CTNNA2: variants seen among roughly 807,000 people sequenced by gnomAD.
CTNNA2 encodes catenin alpha-2.
A neutral mutation model predicts 101.0 loss-of-function variants in CTNNA2; 42 were observed. The ratio of observed to expected loss-of-function variants is 0.42; its 90% CI spans 0.32 to 0.54. The LOEUF (loss-of-function observed/expected upper bound fraction) is 0.54. CTNNA2 is among the 20% of genes least tolerant of loss of function. The probability of loss-of-function intolerance (pLI) is 0.14; values close to 1 mark genes in which losing one functional copy is unlikely to be tolerated. For missense variants in CTNNA2, 871 were observed against 1,223.1 expected (o/e 0.71, Z 4.29); for synonymous variants, 450 against 456.4 (o/e 0.99, Z 0.18).
intron 2 of CTNNA2, among the ~76,000 whole-genome samples, chr2:79,269,128 G>C (rs1675028201): frequency 6.6e-6 from 1 of 152,062 alleles, no homozygotes. Flanking sequence ...GAGGTGTACT[G>C]AGCTCTTATA....
chr2:80,139,530 A>T (rs1054058849), intron 7 of CTNNA2, among the ~76,000 whole-genome samples: 6 of 151,852 alleles, frequency 4.0e-5, no homozygotes. Flanking sequence ...TACAGTTTTC[A>T]CCCCCTCTTA....
intron 2 of CTNNA2, among the ~76,000 whole-genome samples, chr2:79,688,967 A>G (rs1398536962): frequency 1.3e-5 from 2 of 151,900 alleles, no homozygotes; most frequent in African/African-American, 4.8e-5. Flanking sequence ...AGAAAGATTC[A>G]ATGGCTGGGG....
At chr2:79,710,689 T>G (rs1364972080) in intron 2 of CTNNA2, among the ~76,000 whole-genome samples, 1 of 152,062 alleles carries the variant, frequency 6.6e-6, no homozygotes, top group Non-Finnish European at 1.5e-5. Flanking sequence ...TCAAACCTGG[T>G]GTAAGAGGAG....
intron 9 of CTNNA2, among the ~76,000 whole-genome samples, chr2:80,544,119 G>A (rs1012109642): frequency 6.6e-6 from 1 of 152,040 alleles, no homozygotes; most frequent in Non-Finnish European, 1.5e-5. Flanking sequence ...CTTGAATTCA[G>A]TCCAGCTGTT....
Position 80,051,001 on chromosome 2 carries a change from C to T in CTNNA2, c.1056+141204C>T, listed in dbSNP as rs1238265336. 2.6e-5 allele frequency among the ~76,000 whole-genome samples: 4 copies of T among 152,184 alleles called. No individual in the cohort carries two copies. In the South Asian group the frequency reaches 6.2e-4, roughly 24 times the overall value. ...TCAGCTTCCCCAAGTGCTAAGATTA[C>T]AGGCGTGAGCCATGACACCTAGCCG... On this transcript the variant is annotated intron_variant, in intron 7 of 18. Transcript: ENST00000402739.
chr2:80,548,608 A>G (rs1472035336), intron 11 of CTNNA2, among the ~76,000 whole-genome samples: 1 of 152,208 alleles, frequency 6.6e-6, no homozygotes, highest in Non-Finnish European at 1.5e-5. Flanking sequence ...GTGCCACGGC[A>G]TGCCATGGCA....
chr2:79,884,657 T>A (rs1415176075), intron 6 of CTNNA2, among the ~76,000 whole-genome samples: 1 of 152,164 alleles, frequency 6.6e-6, no homozygotes, highest in Non-Finnish European at 1.5e-5. Context: ...ATAGCAACTC[T>A]ACATAAGTTC....
At chr2:80,080,670 CT>C (rs1413671505) in intron 7 of CTNNA2, among the ~76,000 whole-genome samples, 1 of 152,074 alleles carries the variant, frequency 6.6e-6, no homozygotes, top group Non-Finnish European at 1.5e-5. Flanking sequence ...ATTTGGAGAC[CT>C]GATTCATTGA....
intron 7 of CTNNA2, among the ~76,000 whole-genome samples, chr2:80,129,685 C>A (rs1702311718): frequency 6.6e-6 from 1 of 152,186 alleles, no homozygotes; most frequent in Non-Finnish European, 1.5e-5. Flanking sequence ...TCCTTAACTA[C>A]AACTCTATAA....
chr2:79,909,949 C>T lies in CTNNA2; in HGVS notation c.1056+152C>T, dbSNP rs1685672877. 3 of 717,298 alleles carry T rather than the reference C, an allele frequency of 4.2e-6. No individual in the cohort carries two copies. The South Asian group carries it at 7.6e-5, about 18-fold the overall frequency. The allele number at this position is 717,298 out of a possible 1,614,324, so 44.4% of individuals were successfully genotyped here. On this transcript the variant is annotated intron_variant, in intron 7 of 18. Coordinates refer to ENST00000402739, the MANE Select transcript of CTNNA2 (RefSeq NM_001282597.3). ...ACCAAAGAACTGCTTTGGGAGAGCGCGTGTCGTGTGTGTTGTTTCTGAATC... is the reference window on the plus strand; with the variant it reads ...ACCAAAGAACTGCTTTGGGAGAGCGTGTGTCGTGTGTGTTGTTTCTGAATC...
chr2:79,765,523 T>C (rs1673091572), intron 3 of CTNNA2, among the ~76,000 whole-genome samples: 1 of 152,188 alleles, frequency 6.6e-6, no homozygotes, highest in South Asian at 2.1e-4. Flanking sequence ...GATGCTTGTG[T>C]TTAATGGGAG....
In CTNNA2 at chr2:79,929,084, G is replaced by T. The variant is rs932001924; in HGVS notation, c.1056+19287G>T. Reference sequence around the variant, plus strand: ...GATAACCTTCCTTTGACAGGGAGATGTGACAGGGACTGGGGCTCCAGCAAA... The same window carrying T: ...GATAACCTTCCTTTGACAGGGAGATTTGACAGGGACTGGGGCTCCAGCAAA... On this transcript the variant is annotated intron_variant, in intron 7 of 18. Coordinates refer to ENST00000402739, the MANE Select transcript of CTNNA2 (RefSeq NM_001282597.3). 3.9e-5 allele frequency among the ~76,000 whole-genome samples: 6 copies of T among 152,314 alleles called. No individual in the cohort carries two copies. The East Asian group carries it at 9.7e-4, about 25-fold the overall frequency.
At chr2:79,715,022 C>T (rs1179479711) in intron 2 of CTNNA2, among the ~76,000 whole-genome samples, 1 of 141,032 alleles carries the variant, frequency 7.1e-6, no homozygotes, top group African/African-American at 2.7e-5. Flanking sequence ...GAAACCCCGT[C>T]TCTACTAAAA....
At chr2:80,631,450 T>G (rs1388564729) in intron 18 of CTNNA2, among the ~76,000 whole-genome samples, 2 of 152,078 alleles carry the variant, frequency 1.3e-5, no homozygotes, top group African/African-American at 2.4e-5. Flanking sequence ...TGAAAGTTTC[T>G]TGTATAACTC....
At chr2:79,398,236 G>A (rs906559879) in intron 4 of CTNNA2, among the ~76,000 whole-genome samples, 7 of 152,048 alleles carry the variant, frequency 4.6e-5, no homozygotes, top group African/African-American at 1.4e-4. Flanking sequence ...AGTCACAATG[G>A]GATACGGACG....
chr2:79,280,879 C>A (rs1675359502), intron 2 of CTNNA2, among the ~76,000 whole-genome samples: 1 of 151,910 alleles, frequency 6.6e-6, no homozygotes, highest in African/African-American at 2.4e-5. Context: ...CAGGAAAAGG[C>A]CAGAACCAAT....
intron 9 of CTNNA2, among the ~76,000 whole-genome samples, chr2:80,539,683 A>C (rs1691372293): frequency 6.6e-6 from 1 of 152,162 alleles, no homozygotes; most frequent in African/African-American, 2.4e-5. Context: ...TAGTCTTCTC[A>C]GCTTTTACTT....
At chr2:79,351,123 T>C (rs1573109208) in intron 3 of CTNNA2, among the ~76,000 whole-genome samples, 2 of 152,288 alleles carry the variant, frequency 1.3e-5, no homozygotes, top group Admixed American at 1.3e-4. Context: ...TGCAAAAGGT[T>C]TTTTAGTTTA....
intron 7 of CTNNA2, among the ~76,000 whole-genome samples, chr2:80,066,746 A>G (rs1028705528): frequency 2.0e-5 from 3 of 152,212 alleles, no homozygotes; most frequent in African/African-American, 7.2e-5. Flanking sequence ...TGTATATCCA[A>G]AGTAAATGAA....
Sources: allele counts gnomAD v4.1 joint callset (sites outside exome capture counted in the v4.1 genomes callset), GRCh38; gene constraint gnomAD v4.1.1; transcripts MANE v1.5; gene names NCBI Gene and HGNC (gene_info 2026-07-23, HGNC 2026-07-21).